PSCA: variants seen among roughly 807,000 people sequenced by gnomAD.
PSCA encodes prostate stem cell antigen.
In PSCA, 7 loss-of-function variants were observed where a neutral mutation model predicts 7.9. The observed-to-expected ratio is 0.89, with a 90% CI of 0.51 to 1.67. PSCA has a LOEUF of 1.67. Ranked by LOEUF, PSCA falls within the 40% of genes most tolerant of loss-of-function variation. The pLI is 0.00. For synonymous variants in PSCA, 61 were observed against 68.3 expected (o/e 0.89, Z 0.53); for missense variants, 151 against 147.9 (o/e 1.02, Z -0.11).
At chr8:142,671,871 C>T (rs2920288) in intron 1 of PSCA, among the ~76,000 whole-genome samples, 66,587 of 151,824 alleles carry the variant, frequency 0.44, 14,707 homozygotes, top group Non-Finnish European at 0.47. Context: ...CTCCCAGCAC[C>T]CTCCCACCCT....
intron 1 of PSCA, among the ~76,000 whole-genome samples, chr8:142,672,788 C>T (rs781833598): frequency 3.9e-5 from 6 of 152,216 alleles, no homozygotes; most frequent in Admixed American, 6.5e-5. Context: ...CAGCCTGCAG[C>T]AGACCCCAGC....
chr8:142,674,000 C>T lies in PSCA; in HGVS notation n.261+3432C>T, dbSNP rs1031466333. ...TCGTTTCAGTCTAACCTCAGCAGAG[C>T]GCAGATCACCCATCTTCCTAATGAA... On this transcript the variant is annotated intron_variant and non_coding_transcript_variant, in intron 1 of 1. Coordinates refer to the PSCA transcript ENST00000505305. This position sits in a 1 kb window ranked among gnomAD's most constrained non-coding sequence, Gnocchi z 4.6. Among the ~76,000 whole-genome samples, 1 of 145,690 alleles carries T rather than the reference C, an allele frequency of 6.9e-6. No individual in the cohort carries two copies. The highest frequency in any genetic ancestry group is 2.6e-5 in the African/African-American group (1 of 38,942).
Position 142,673,271 on chromosome 8 carries a change from G to T in PSCA, n.261+2703G>T, listed in dbSNP as rs144143294. Among the ~76,000 whole-genome samples the T allele has an allele frequency of 1.4e-4, 21 of 152,254 alleles. No homozygotes were observed. Among genetic ancestry groups the T allele is most frequent in the African/African-American group, 5.1e-4 (21 of 41,532 alleles). On this transcript the variant is annotated intron_variant and non_coding_transcript_variant, in intron 1 of 1. Coordinates refer to the PSCA transcript ENST00000505305. This position sits in a 1 kb window ranked among gnomAD's most constrained non-coding sequence, Gnocchi z 4.6. ...TGCCACCTCAGGGACATGGGATCAC[G>T]TGGTCTCCCAGGACTTGGACAGTGC... is the stretch of plus-strand genomic sequence containing the variant.
Position 142,681,921 on chromosome 8 carries a change from G to A in PSCA, c.134G>A (p.Arg45His), listed in dbSNP as rs376581990. The change falls in exon 3 of 3, where the codon CGC becomes CAC. Residue 45 changes from arginine to histidine, a missense_variant and splice_region_variant. Transcript: ENST00000301258. ...LGEQCWTARI[R>H]AVGLLTVISK... ...ATCCCCGGATCCCGCTGCTCCCCAG[G>A]CGCAGTTGGCCTCCTGACCGTCATC... 2.6e-6 allele frequency: 4 copies of A among 1,529,960 alleles called. No individual in the cohort carries two copies. The African/African-American group carries it at 4.1e-5, about 16-fold the overall frequency. 94.8% of individuals were successfully genotyped at this position (1,529,960 alleles called of 1,614,324 possible).
At chr8:142,678,182 C>T (rs1847420133), upstream of PSCA, among the ~76,000 whole-genome samples, 2 of 152,168 alleles carry the variant, frequency 1.3e-5, no homozygotes, top group African/African-American at 2.4e-5. Context: ...TTCCTGACTG[C>T]AACATCCTCA....
intron 1 of PSCA, chr8:142,670,606 G>A (rs1195608306): frequency 2.0e-5 from 3 of 152,302 alleles, no homozygotes; most frequent in Non-Finnish European, 4.4e-5. Context: ...AATGAGTTGA[G>A]GCTGTGGAGG....
upstream of PSCA, chr8:142,676,385 C>T (rs1847401999): frequency 6.6e-6 from 1 of 152,340 alleles, no homozygotes; most frequent in Non-Finnish European, 1.5e-5. Context: ...AACCCAGGGC[C>T]GCTGGATGGG....
At chr8:142,675,375 G>T (rs1847387399) in intron 1 of PSCA, among the ~76,000 whole-genome samples, 1 of 152,288 alleles carries the variant, frequency 6.6e-6, no homozygotes, top group Non-Finnish European at 1.5e-5. Flanking sequence ...TGACGCCTTT[G>T]TGAGAGCCAG....
chr8:142,681,534 C>G, intron 2 of PSCA, 100 bp downstream of exon 2: 1 of 1,094,534 alleles, frequency 9.1e-7, no homozygotes, highest in South Asian at 1.4e-5. Context: ...TTCCTTCCAC[C>G]TGTCCCCGAC....
intron 1 of PSCA, chr8:142,681,116 C>A: frequency 1.8e-6 from 1 of 551,006 alleles, no homozygotes; most frequent in Non-Finnish European, 3.3e-6. Flanking sequence ...AACACACGGT[C>A]ACAAAAGCAG....
upstream of PSCA, among the ~76,000 whole-genome samples, chr8:142,677,305 G>A (rs1439224301): frequency 6.6e-6 from 1 of 152,206 alleles, no homozygotes; most frequent in Non-Finnish European, 1.5e-5. Flanking sequence ...TGCTGGGGCT[G>A]CGGATTCTGT....
At chr8:142,672,415 C>G (rs1323771963) in intron 1 of PSCA, among the ~76,000 whole-genome samples, 2 of 152,196 alleles carry the variant, frequency 1.3e-5, no homozygotes, top group Non-Finnish European at 2.9e-5. Flanking sequence ...GCAGATGATT[C>G]TGTGGGGCAG....
At chr8:142,672,200 C>T (rs1238479157) in intron 1 of PSCA, among the ~76,000 whole-genome samples, 2 of 152,124 alleles carry the variant, frequency 1.3e-5, no homozygotes, top group East Asian at 1.9e-4. Flanking sequence ...CAACAGTCTC[C>T]ATCCCTCATA....
At chr8:142,676,885 T>C (rs1268093371), upstream of PSCA, among the ~76,000 whole-genome samples, 2 of 152,218 alleles carry the variant, frequency 1.3e-5, no homozygotes, top group African/African-American at 4.8e-5. Context: ...GCCATGCCCC[T>C]TGTGGCAGAA....
chr8:142,678,891 CACTT>C (rs201252907), upstream of PSCA, among the ~76,000 whole-genome samples: 1,349 of 152,254 alleles, frequency 8.9e-3, 17 homozygotes, highest in African/African-American at 0.031. Flanking sequence ...CTGCCACCAA[CACTT>C]AGCCAGCTGG....
chr8:142,672,550 G>T lies in PSCA; in HGVS notation n.261+1982G>T, dbSNP rs78848511. Among the ~76,000 whole-genome samples the T allele has an allele frequency of 3.2e-4, 48 of 152,236 alleles. No homozygotes were observed. The East Asian group carries it at 9.1e-3, about 29-fold the overall frequency. ...GGGGCTCCCATGGCAGGGTCTCCTG[G>T]GACAGCAAAGTCCTCCCTCCCCCGG... On this transcript the variant is annotated intron_variant and non_coding_transcript_variant, in intron 1 of 1. Transcript: ENST00000505305.
chr8:142,678,382 C>A (rs142366194), upstream of PSCA, among the ~76,000 whole-genome samples: 71 of 152,318 alleles, frequency 4.7e-4, no homozygotes, highest in African/African-American at 1.3e-3. Context: ...CCGGCAGGAA[C>A]AACAGCATAC....
Position 142,681,912 on chromosome 8 carries a change from G to T in PSCA, c.134-9G>T. On this transcript the variant is annotated splice_polypyrimidine_tract_variant and intron_variant, in intron 2 of 2. Transcript: ENST00000301258. ...GGCAGCCCCATCCCCGGATCCCGCT[G>T]CTCCCCAGGCGCAGTTGGCCTCCTG... 1 of 1,519,986 alleles carries T rather than the reference G, an allele frequency of 6.6e-7. No homozygotes were observed. Among genetic ancestry groups the T allele is most frequent in the Non-Finnish European group, 8.9e-7 (1 of 1,127,526 alleles). The allele number at this position is 1,519,986 out of a possible 1,614,324, so 94.2% of individuals were successfully genotyped here.
upstream of PSCA, among the ~76,000 whole-genome samples, chr8:142,679,618 G>A (rs1554638120): frequency 1.3e-5 from 2 of 152,220 alleles, no homozygotes; most frequent in African/African-American, 4.8e-5. Context: ...AGTCCAGAAA[G>A]GTGGGCAGCT....
Sources: gnomAD v4.1 joint callset for allele counts (sites outside exome capture counted in the v4.1 genomes callset) on GRCh38, gnomAD v4.1.1 for gene constraint, Gnocchi (gnomAD v3.1) non-coding constraint, MANE v1.5 for transcripts, NCBI Gene and HGNC (gene_info 2026-07-23, HGNC 2026-07-21) for gene names.